Variants in OR7E24 observed in about 807,000 individuals in gnomAD.
The protein encoded by OR7E24 is olfactory receptor family 7 subfamily E member 24, also known as olfactory receptor 7E24.
For synonymous variants in OR7E24, 130 were observed against 157.5 expected (o/e 0.83, Z 1.31); for missense variants, 385 against 410.3 (o/e 0.94, Z 0.53).
upstream of OR7E24, among the ~76,000 whole-genome samples, chr19:9,246,607 T>C (rs2066131438): frequency 6.6e-6 from 1 of 150,786 alleles, no homozygotes; most frequent in African/African-American, 2.4e-5. Context: ...GACACAAGCG[T>C]CCACCAACAG....
the OR7E24 span, among the ~76,000 whole-genome samples, chr19:9,223,096 CTTG>C: frequency 9.2e-5 from 14 of 152,224 alleles, 1 homozygote; most frequent in African/African-American, 2.9e-4. Context: ...TTTGATGTTT[CTTG>C]TTGTTTAATT....
At chr19:9,236,308 C>T in the OR7E24 span, among the ~76,000 whole-genome samples, 1 of 152,010 alleles carries the variant, frequency 6.6e-6, no homozygotes, top group Non-Finnish European at 1.5e-5. Flanking sequence ...GTCAAGAGAT[C>T]GAGACCATCC....
At chr19:9,219,576 T>G in the OR7E24 span, 1 of 152,212 alleles carries the variant, frequency 6.6e-6, no homozygotes, top group Non-Finnish European at 1.5e-5. Context: ...CTACACGATC[T>G]GTTCCTAGGA....
chr19:9,214,705 T>C, the OR7E24 span: 1 of 1,614,034 alleles, frequency 6.2e-7, no homozygotes, highest in East Asian at 2.2e-5. Flanking sequence ...GCCAGAATGA[T>C]GAGCAGGTTC....
At chr19:9,207,946 C>T in the OR7E24 span, 2 of 152,172 alleles carry the variant, frequency 1.3e-5, no homozygotes, top group Admixed American at 1.3e-4. Context: ...GTCCTTTAGC[C>T]TTTGTCCTGC....
chr19:9,242,033 A>G, the OR7E24 span, among the ~76,000 whole-genome samples: 15 of 152,264 alleles, frequency 9.9e-5, no homozygotes, highest in East Asian at 2.3e-3. Context: ...AACACTTATC[A>G]TATCGAGTGC....
At chr19:9,225,411 GGGGAAGGAA>G in the OR7E24 span, among the ~76,000 whole-genome samples, 3 of 148,666 alleles carry the variant, frequency 2.0e-5, no homozygotes, top group African/African-American at 5.0e-5. Context: ...AAGGGAAGGA[GGGGAAGGAA>G]GGGAAGGAAG....
upstream of OR7E24, among the ~76,000 whole-genome samples, chr19:9,250,155 T>C (rs141660886): frequency 6.6e-6 from 1 of 152,256 alleles, no homozygotes; most frequent in Non-Finnish European, 1.5e-5. Flanking sequence ...AGTGCGGTGG[T>C]ATGATCATGG....
chr19:9,217,502 A>G, the OR7E24 span, among the ~76,000 whole-genome samples: 3 of 152,098 alleles, frequency 2.0e-5, no homozygotes, highest in African/African-American at 7.2e-5. Context: ...TGAGATAGGA[A>G]AATTTGGGCT....
chr19:9,226,608 G>T, the OR7E24 span, among the ~76,000 whole-genome samples: 2 of 152,206 alleles, frequency 1.3e-5, no homozygotes, highest in East Asian at 3.8e-4. Flanking sequence ...AATTGTGAGA[G>T]CTAAAAACAT....
At chr19:9,221,792 C>T in the OR7E24 span, among the ~76,000 whole-genome samples, 1 of 152,146 alleles carries the variant, frequency 6.6e-6, no homozygotes, top group South Asian at 2.1e-4. Context: ...CTTCACTCTA[C>T]TGTTTCCTTT....
At chr19:9,225,097 G>A in the OR7E24 span, among the ~76,000 whole-genome samples, 36 of 151,884 alleles carry the variant, frequency 2.4e-4, no homozygotes, top group Non-Finnish European at 4.1e-4. Context: ...AGGGGAGGTC[G>A]GGTGCGGTGG....
At chr19:9,216,840 C>G in the OR7E24 span, among the ~76,000 whole-genome samples, 77 of 152,344 alleles carry the variant, frequency 5.1e-4, no homozygotes, top group African/African-American at 1.8e-3. Context: ...GATCCACCCA[C>G]CTTGGCCTCC....
upstream of OR7E24, among the ~76,000 whole-genome samples, chr19:9,242,824 CCCT>C (rs1476537932): frequency 6.6e-6 from 1 of 152,010 alleles, no homozygotes; most frequent in African/African-American, 2.4e-5. Context: ...TTCCCTCCCT[CCCT>C]CCTTTTTTAC....
chr19:9,230,457 A>G, the OR7E24 span, among the ~76,000 whole-genome samples: 1 of 152,132 alleles, frequency 6.6e-6, no homozygotes, highest in Non-Finnish European at 1.5e-5. Context: ...TTCCGGGAAC[A>G]GTTAGGAATG....
the OR7E24 span, among the ~76,000 whole-genome samples, chr19:9,224,908 T>G: frequency 3.3e-4 from 50 of 152,228 alleles, no homozygotes; most frequent in Non-Finnish European, 5.9e-4. Flanking sequence ...TGTTGGTATG[T>G]GGGTGATCCA....
chr19:9,228,000 G>A, the OR7E24 span, among the ~76,000 whole-genome samples: 2 of 151,828 alleles, frequency 1.3e-5, no homozygotes, highest in African/African-American at 2.4e-5. Context: ...TGATCCGCCC[G>A]CCTCGGCCTC....
the OR7E24 span, among the ~76,000 whole-genome samples, chr19:9,228,279 T>G: frequency 3.3e-5 from 5 of 152,234 alleles, no homozygotes; most frequent in Non-Finnish European, 7.3e-5. Flanking sequence ...ATTATGATTT[T>G]TCTTTGTCTT....
chr19:9,217,376 A>G, the OR7E24 span, among the ~76,000 whole-genome samples: 26 of 152,254 alleles, frequency 1.7e-4, no homozygotes, highest in Non-Finnish European at 3.5e-4. Flanking sequence ...TGCATTTTTC[A>G]TGATGGAAAA....
Sources: gnomAD v4.1 joint callset for allele counts (sites outside exome capture counted in the v4.1 genomes callset) on GRCh38, gnomAD v4.1.1 for gene constraint, MANE v1.5 for transcripts, NCBI Gene and HGNC (gene_info 2026-07-23, HGNC 2026-07-21) for gene names.